Variants in R3HDM2 observed in about 807,000 individuals in gnomAD.
The protein encoded by R3HDM2 is R3H domain containing 2.
A neutral mutation model predicts 124.5 loss-of-function variants in R3HDM2; 38 were observed. The ratio of observed to expected loss-of-function variants is 0.31; its 90% confidence interval spans 0.24 to 0.40. The LOEUF is 0.40. R3HDM2 is among the 10% of genes least tolerant of loss of function. The pLI, the probability that R3HDM2 is intolerant of heterozygous loss-of-function variation, is 1.00. For missense variants in R3HDM2, 869 were observed against 1,236.9 expected (o/e 0.70, Z 4.46); for synonymous variants, 391 against 448.0 (o/e 0.87, Z 1.61).
At chr12:57,427,593 CCCGTCCT>C (rs1221479979) in intron 1 of R3HDM2, among the ~76,000 whole-genome samples, 1 of 151,790 alleles carries the variant, frequency 6.6e-6, no homozygotes, top group East Asian at 2.0e-4. Flanking sequence ...CTGGTGATGC[CCCGTCCT>C]TGGCCTCCCA....
rs555395349 is a variant in R3HDM2, at chr12:57,424,572, T to C, written c.-106+6148A>G. On this transcript the variant is annotated intron_variant, in intron 1 of 23. Transcript: ENST00000402412. ...AGCTTTCACAAGTCTGACCCACCCT[T>C]TTCCAAGACACCAAGGATTTCTTGA... Among the ~76,000 whole-genome samples the C allele has an allele frequency of 7.9e-5, 12 of 152,282 alleles. No individual in the cohort carries two copies. In the East Asian group the frequency reaches 2.1e-3, roughly 27 times the overall value.
chr12:57,378,618 A>G (rs993859162), intron 2 of R3HDM2, among the ~76,000 whole-genome samples: 1 of 152,150 alleles, frequency 6.6e-6, no homozygotes, highest in Non-Finnish European at 1.5e-5. Context: ...GACTCAAGAC[A>G]TCCTTCTGCT....
chr12:57,352,809 T>C (rs1037020004), intron 2 of R3HDM2, among the ~76,000 whole-genome samples: 3 of 152,080 alleles, frequency 2.0e-5, no homozygotes, highest in Admixed American at 6.6e-5. Context: ...GCTTCTTATA[T>C]AGTAATTAAG....
At chr12:57,266,556 G>C (rs2042469695) in intron 19 of R3HDM2, among the ~76,000 whole-genome samples, 175 bp downstream of exon 19, 1 of 152,228 alleles carries the variant, frequency 6.6e-6, no homozygotes, top group Admixed American at 6.5e-5. Flanking sequence ...TGAGAGGTCA[G>C]CTTCAGTACC....
At chr12:57,306,201 G>A (rs2052530091) in intron 3 of R3HDM2, among the ~76,000 whole-genome samples, 1 of 152,190 alleles carries the variant, frequency 6.6e-6, no homozygotes, top group Non-Finnish European at 1.5e-5. Flanking sequence ...CAGAGGTGAT[G>A]GCTGACAGGC....
intron 2 of R3HDM2, among the ~76,000 whole-genome samples, chr12:57,371,797 G>A (rs1178794276): frequency 1.3e-5 from 2 of 152,204 alleles, no homozygotes; most frequent in African/African-American, 4.8e-5. Context: ...TCCCACTGCT[G>A]CTGAAACAAA....
intron 2 of R3HDM2, among the ~76,000 whole-genome samples, chr12:57,320,744 C>T (rs2056312160): frequency 6.6e-6 from 1 of 152,018 alleles, no homozygotes; most frequent in Non-Finnish European, 1.5e-5. Context: ...AAGTACCTTC[C>T]ATAATAGAGT....
intron 2 of R3HDM2, among the ~76,000 whole-genome samples, chr12:57,332,410 CAA>C (rs10653446): frequency 1.4e-3 from 88 of 60,696 alleles, no homozygotes; most frequent in South Asian, 5.2e-3. Context: ...GACCCTGTCT[CAA>C]AAAAAAAAAA....
At chr12:57,259,687 G>A (rs1475819085) in intron 19 of R3HDM2, among the ~76,000 whole-genome samples, 9 of 152,292 alleles carry the variant, frequency 5.9e-5, no homozygotes, top group South Asian at 2.1e-4. Context: ...GATGAGACAC[G>A]TTTATTTAAC....
chr12:57,341,386 C>A, intron 2 of R3HDM2: 1 of 982,268 alleles, frequency 1.0e-6, no homozygotes. Context: ...AAGAACGCAC[C>A]GCTTCAGATG....
chr12:57,418,361 C>T (rs2069854087), intron 1 of R3HDM2: 1 of 985,324 alleles, frequency 1.0e-6, no homozygotes, highest in Non-Finnish European at 1.2e-6. Context: ...TTTCTTTTGC[C>T]TTCAGCAGAG....
intron 2 of R3HDM2, among the ~76,000 whole-genome samples, chr12:57,379,785 T>C (rs2064591650): frequency 6.6e-6 from 1 of 152,052 alleles, no homozygotes; most frequent in African/African-American, 2.4e-5. Context: ...ATATGTAATA[T>C]ATACAATATA....
At chr12:57,332,468 T>A (rs2058336306) in intron 2 of R3HDM2, among the ~76,000 whole-genome samples, 1 of 142,602 alleles carries the variant, frequency 7.0e-6, no homozygotes, top group South Asian at 2.2e-4. Flanking sequence ...AACTCAAGAA[T>A]GCCTCCAAAT....
Position 57,296,418 on chromosome 12 carries a change from T to C in R3HDM2, c.694A>G (p.Thr232Ala). ...KAVIINKTSN[T>A]RIPEQRFSEH... Reference sequence around the variant, plus strand: ...CATGGTTTCCTCCCTTACATTCTTGTGTTACTAGTTTTGTTGATGATGACA... The same window carrying C: ...CATGGTTTCCTCCCTTACATTCTTGCGTTACTAGTTTTGTTGATGATGACA... The change falls in exon 9 of 24, where the codon ACA becomes GCA. Residue 232 changes from threonine (T) to alanine (A), a missense_variant. Transcript: ENST00000402412. The surrounding 1 kb of genome is among the most constrained non-coding windows in gnomAD (Gnocchi z 4.5). 1 of 1,552,302 alleles carries C rather than the reference T, an allele frequency of 6.4e-7. No individual in the cohort carries two copies. The highest frequency in any genetic ancestry group is 8.7e-7 in the Non-Finnish European group (1 of 1,147,102).
At chr12:57,429,502 C>T (rs902255208) in intron 1 of R3HDM2, among the ~76,000 whole-genome samples, 4 of 152,176 alleles carry the variant, frequency 2.6e-5, no homozygotes, top group African/African-American at 9.7e-5. Flanking sequence ...GCAGGTGGAT[C>T]ACTTGAGCCC....
intron 2 of R3HDM2, among the ~76,000 whole-genome samples, chr12:57,375,136 A>G (rs2063880386): frequency 6.6e-6 from 1 of 152,090 alleles, no homozygotes; most frequent in African/African-American, 2.4e-5. Context: ...TTCTGCATCC[A>G]AAACTGCATT....
At chr12:57,312,795 T>C (rs191295940) in intron 2 of R3HDM2, among the ~76,000 whole-genome samples, 24 of 152,026 alleles carry the variant, frequency 1.6e-4, no homozygotes, top group Admixed American at 1.5e-3. Flanking sequence ...GCTGGCTCAA[T>C]TGCGCTCAAT....
At chr12:57,392,881 C>A (rs1462989793) in intron 2 of R3HDM2, among the ~76,000 whole-genome samples, 1 of 147,784 alleles carries the variant, frequency 6.8e-6, no homozygotes, top group African/African-American at 2.5e-5. Context: ...TTTGGCTCAC[C>A]GCAAGCTCCA....
At chr12:57,369,849 A>T (rs1235622370) in intron 2 of R3HDM2, among the ~76,000 whole-genome samples, 1 of 152,202 alleles carries the variant, frequency 6.6e-6, no homozygotes, top group African/African-American at 2.4e-5. Flanking sequence ...GTAATAAAAG[A>T]AAAAGAAGTC....
Sources: allele counts gnomAD v4.1 joint callset (sites outside exome capture counted in the v4.1 genomes callset), GRCh38; gene constraint gnomAD v4.1.1; non-coding constraint Gnocchi (gnomAD v3.1); transcripts MANE v1.5; gene names NCBI Gene and HGNC (gene_info 2026-07-23, HGNC 2026-07-21).